Variants in GARNL3 observed in about 807,000 individuals in gnomAD.
The protein encoded by GARNL3 is GTPase-activating Rap/Ran-GAP domain-like protein 3.
In GARNL3, 63 loss-of-function variants were observed where a neutral mutation model predicts 125.0. The ratio of observed to expected loss-of-function variants is 0.50; its 90% CI spans 0.41 to 0.62. The LOEUF is 0.62. Ranked by LOEUF, GARNL3 falls within the 20% of genes least tolerant of loss-of-function variation. GARNL3 has a pLI of 0.00. For missense variants in GARNL3, 994 were observed against 1,244.0 expected (o/e 0.80, Z 3.02); for synonymous variants, 439 against 457.5 (o/e 0.96, Z 0.52).
At chr9:127,315,928 G>A (rs562794742) in intron 4 of GARNL3, among the ~76,000 whole-genome samples, 2 of 152,148 alleles carry the variant, frequency 1.3e-5, no homozygotes, top group Non-Finnish European at 1.5e-5. Context: ...GGTAATCTTC[G>A]ATGTGCACTT....
intron 6 of GARNL3, among the ~76,000 whole-genome samples, 185 bp downstream of exon 6, chr9:127,320,963 G>A (rs560364588): frequency 5.3e-5 from 8 of 152,182 alleles, no homozygotes; most frequent in African/African-American, 1.9e-4. Context: ...GTAGGGCCTG[G>A]GTATCTGAGT....
chr9:127,382,270 A>G (rs1213484695), intron 22 of GARNL3, among the ~76,000 whole-genome samples: 2 of 152,144 alleles, frequency 1.3e-5, no homozygotes, highest in East Asian at 3.8e-4. Flanking sequence ...ATTGCACTCC[A>G]GTCCAGGCAA....
At chr9:127,335,553 A>G (rs1244612588) in intron 10 of GARNL3, among the ~76,000 whole-genome samples, 1 of 152,168 alleles carries the variant, frequency 6.6e-6, no homozygotes. Context: ...GGTCAGAGAT[A>G]ATAATGTGCA....
intron 27 of GARNL3, 145 bp downstream of exon 27, chr9:127,390,912 G>T (rs932946804): frequency 2.6e-6 from 2 of 781,622 alleles, no homozygotes; most frequent in Non-Finnish European, 4.1e-6. Flanking sequence ...CTCTCTGAGG[G>T]TCCCCAGACC....
chr9:127,324,115 A>G (rs1458312014), intron 6 of GARNL3, among the ~76,000 whole-genome samples: 1 of 151,952 alleles, frequency 6.6e-6, no homozygotes, highest in Non-Finnish European at 1.5e-5. Flanking sequence ...GCTGGGTATG[A>G]TGGTACACAC....
chr9:127,248,127 G>A (rs1478511019), intron 2 of GARNL3, among the ~76,000 whole-genome samples: 1 of 152,188 alleles, frequency 6.6e-6, no homozygotes, highest in Non-Finnish European at 1.5e-5. Context: ...ACAAGTGCCA[G>A]AAAGTAAGCT....
At chr9:127,234,213 T>C (rs903407907) in intron 1 of GARNL3, among the ~76,000 whole-genome samples, 5 of 152,226 alleles carry the variant, frequency 3.3e-5, no homozygotes, top group African/African-American at 1.2e-4. Flanking sequence ...ACAACTTTTA[T>C]TATTCACTAA....
chr9:127,334,281 G>GT (rs1302457428), intron 9 of GARNL3, among the ~76,000 whole-genome samples: 3 of 152,122 alleles, frequency 2.0e-5, no homozygotes, highest in Non-Finnish European at 1.5e-5. Context: ...CTTTGTTTCT[G>GT]TTTTTTTGCT....
intron 2 of GARNL3, among the ~76,000 whole-genome samples, chr9:127,248,714 C>A (rs2063347959): frequency 7.2e-6 from 1 of 139,058 alleles, no homozygotes. Context: ...CTCAAGTGAT[C>A]CTCCCACCTC....
At chr9:127,362,284 A>G (rs937871058) in intron 21 of GARNL3, 2 of 149,972 alleles carry the variant, frequency 1.3e-5, no homozygotes, top group African/African-American at 4.9e-5. Flanking sequence ...TTGCCATGCT[A>G]GCCAGGCTTG....
At position 127,293,961 on chromosome 9, in the gene GARNL3, C is replaced by CT. The variant is rs2064503420; in HGVS notation, c.219+2720dup. Among the ~76,000 whole-genome samples, 3 of 152,298 alleles carry CT rather than the reference C, an allele frequency of 2.0e-5. No homozygotes were observed. In the East Asian group the frequency reaches 5.8e-4, roughly 29 times the overall value. ...TTGTGGTCACCACACCTCAGAGACA[C>CT]TCCCCTGCTCAGCTCTGCTCGGTGC... is the stretch of plus-strand genomic sequence containing the variant. On this transcript the variant is annotated intron_variant, in intron 2 of 27. Coordinates refer to ENST00000373387, the MANE Select transcript of GARNL3 (RefSeq NM_032293.5).
At chr9:127,380,200 A>ATATGTG (rs71495641) in intron 22 of GARNL3, among the ~76,000 whole-genome samples, 5 of 141,642 alleles carry the variant, frequency 3.5e-5, no homozygotes, top group Non-Finnish European at 7.6e-5. Context: ...CTCAAAAAAT[A>ATATGTG]TGTGTGTGTG....
chr9:127,317,679 G>A (rs2065277663), intron 4 of GARNL3, among the ~76,000 whole-genome samples: 3 of 152,132 alleles, frequency 2.0e-5, no homozygotes, highest in South Asian at 2.1e-4. Flanking sequence ...TCACACCACT[G>A]CGCTCCAGCC....
upstream of GARNL3, among the ~76,000 whole-genome samples, chr9:127,260,998 G>T (rs539272980): frequency 3.3e-4 from 51 of 152,296 alleles, no homozygotes; most frequent in African/African-American, 1.2e-3. Context: ...GCTCACGCCC[G>T]TAATTCCAGC....
chr9:127,311,246 A>C (rs1031558314), intron 2 of GARNL3, among the ~76,000 whole-genome samples: 1 of 150,258 alleles, frequency 6.7e-6, no homozygotes, highest in African/African-American at 2.4e-5. Flanking sequence ...AAAAAAAAAA[A>C]CAGAAAAAAC....
At chr9:127,380,972 G>A (rs1200714219) in intron 22 of GARNL3, among the ~76,000 whole-genome samples, 2 of 152,142 alleles carry the variant, frequency 1.3e-5, no homozygotes, top group Non-Finnish European at 1.5e-5. Context: ...TCTACCCCCC[G>A]GGTTCAAGTG....
chr9:127,260,101 C>T (rs1195341197), upstream of GARNL3, among the ~76,000 whole-genome samples: 5 of 152,274 alleles, frequency 3.3e-5, no homozygotes, highest in Middle Eastern at 3.4e-3. Flanking sequence ...TTGCATTGTA[C>T]AGATGAAGGA....
rs59829584 is a variant in GARNL3, at chr9:127,335,641, C to CTT, written c.873+316_873+317dup. On this transcript the variant is annotated intron_variant, in intron 10 of 27. Coordinates refer to ENST00000373387, the MANE Select transcript of GARNL3 (RefSeq NM_032293.5). ...TTCATAGACTCTTTTTTGTCTCTCT[C>CTT]TTTTTTTTTAATATATTTGATTCAA... Among the ~76,000 whole-genome samples the CTT allele has an allele frequency of 2.6e-5, 4 of 151,362 alleles. No individual in the cohort carries two copies. The South Asian group carries it at 8.4e-4, about 32-fold the overall frequency.
intron 2 of GARNL3, among the ~76,000 whole-genome samples, chr9:127,306,465 C>T (rs1041800625): frequency 5.8e-4 from 88 of 152,282 alleles, no homozygotes; most frequent in African/African-American, 2.0e-3. Flanking sequence ...CGGTGGCTCA[C>T]GCCTGTAATC....
Sources: gnomAD v4.1 joint callset for allele counts (sites outside exome capture counted in the v4.1 genomes callset) on GRCh38, gnomAD v4.1.1 for gene constraint, MANE v1.5 for transcripts, NCBI Gene and HGNC (gene_info 2026-07-23, HGNC 2026-07-21) for gene names.